FRMPD2: variants seen among roughly 807,000 people sequenced by gnomAD.
FRMPD2 encodes the protein FERM and PDZ domain containing 2.
FRMPD2 carries 96 observed loss-of-function variants against 140.1 expected under a neutral mutation model. That is an observed-to-expected ratio of 0.69 (90% CI 0.58 to 0.81). FRMPD2 has a LOEUF of 0.81. Ranked by LOEUF, FRMPD2 falls within the 40% of genes least tolerant of loss-of-function variation. The pLI is 0.00. For missense variants in FRMPD2, 1,240 were observed against 1,447.4 expected (o/e 0.86, Z 2.32); for synonymous variants, 449 against 547.6 (o/e 0.82, Z 2.52).
chr10:48,257,508 C>A (rs888079170), intron 1 of FRMPD2, among the ~76,000 whole-genome samples: 1 of 152,070 alleles, frequency 6.6e-6, no homozygotes, highest in African/African-American at 2.4e-5. Flanking sequence ...TCTAACTCCT[C>A]ACCTCAAGTG....
intron 1 of FRMPD2, among the ~76,000 whole-genome samples, chr10:48,267,141 C>T (rs1277076754): frequency 1.3e-5 from 2 of 152,176 alleles, no homozygotes; most frequent in Non-Finnish European, 2.9e-5. Flanking sequence ...AGTACCCAAA[C>T]ATCTTGGATT....
At chr10:48,227,419 T>A (rs149437123) in intron 10 of FRMPD2, among the ~76,000 whole-genome samples, 11 of 152,040 alleles carry the variant, frequency 7.2e-5, no homozygotes, top group South Asian at 6.2e-4. Context: ...TGGCTAGGAG[T>A]CTGAAACATG....
intron 12 of FRMPD2, among the ~76,000 whole-genome samples, chr10:48,217,293 C>G (rs1302765391): frequency 1.3e-5 from 2 of 152,194 alleles, no homozygotes; most frequent in Non-Finnish European, 2.9e-5. Context: ...CAAAAACACC[C>G]TTACCCTCAG....
chr10:48,273,796 T>C (rs1262886522), intron 1 of FRMPD2, among the ~76,000 whole-genome samples: 1 of 152,132 alleles, frequency 6.6e-6, no homozygotes, highest in African/African-American at 2.4e-5. Flanking sequence ...AATGAACTAC[T>C]TAATTGGTTT....
intron 14 of FRMPD2, among the ~76,000 whole-genome samples, chr10:48,203,049 G>T (rs1422136861): frequency 6.6e-6 from 1 of 152,096 alleles, no homozygotes; most frequent in Non-Finnish European, 1.5e-5. Flanking sequence ...ATCCTCCTCA[G>T]CCTCTGAAAG....
intron 23 of FRMPD2, among the ~76,000 whole-genome samples, chr10:48,175,325 C>T (rs1183388777): frequency 3.9e-5 from 6 of 151,922 alleles, no homozygotes; most frequent in Non-Finnish European, 1.5e-5. Context: ...AAAAAAAGGT[C>T]AGGGAGGCAT....
At chr10:48,159,564 T>G (rs1230544259) in intron 28 of FRMPD2, among the ~76,000 whole-genome samples, 1 of 151,964 alleles carries the variant, frequency 6.6e-6, no homozygotes, top group Non-Finnish European at 1.5e-5. Context: ...GCCTGGCCCC[T>G]GCAGTTGAGT....
chr10:48,205,726 A>G (rs1258092991), intron 14 of FRMPD2, among the ~76,000 whole-genome samples: 1 of 152,216 alleles, frequency 6.6e-6, no homozygotes, highest in Non-Finnish European at 1.5e-5. Flanking sequence ...GACCACTTGA[A>G]TAAACTCAAT....
At chr10:48,266,373 G>T (rs184228119) in intron 1 of FRMPD2, among the ~76,000 whole-genome samples, 78 of 152,004 alleles carry the variant, frequency 5.1e-4, no homozygotes, top group African/African-American at 1.8e-3. Context: ...TAAAATAAAA[G>T]TTTAAAAAGT....
chr10:48,216,065 A>G lies in FRMPD2; in HGVS notation c.1456-3956T>C, dbSNP rs1839439766. On this transcript the variant is annotated intron_variant, in intron 12 of 28. Coordinates refer to ENST00000374201, the MANE Select transcript of FRMPD2 (RefSeq NM_001018071.4). ...AGCTCCTCTCTGCCTGACTCTCTTCATGCCAGTTCTTCTCTTGCCTTTGGA... is the reference window on the plus strand; with the variant it reads ...AGCTCCTCTCTGCCTGACTCTCTTCGTGCCAGTTCTTCTCTTGCCTTTGGA... 2.6e-5 allele frequency among the ~76,000 whole-genome samples: 4 copies of G among 152,216 alleles called. No individual in the cohort carries two copies. The South Asian group carries it at 8.3e-4, about 32-fold the overall frequency.
chr10:48,214,969 C>A (rs1421180154), intron 12 of FRMPD2, among the ~76,000 whole-genome samples: 1 of 152,168 alleles, frequency 6.6e-6, no homozygotes, highest in African/African-American at 2.4e-5. Flanking sequence ...TGTAAAAACC[C>A]CCGCATGTGA....
chr10:48,172,860 T>C, intron 25 of FRMPD2, 86 bp downstream of exon 25: 1 of 784,740 alleles, frequency 1.3e-6, no homozygotes, highest in Non-Finnish European at 2.2e-6. Flanking sequence ...AGAGGAAGCC[T>C]TCCTGCCTTT....
At chr10:48,161,080 G>A (rs1229144032) in intron 28 of FRMPD2, among the ~76,000 whole-genome samples, 13 of 150,932 alleles carry the variant, frequency 8.6e-5, no homozygotes, top group East Asian at 5.8e-4. Context: ...AAGGGGGTGC[G>A]GTTGGCCATT....
At chr10:48,197,557 C>A (rs1332882297) in intron 15 of FRMPD2, among the ~76,000 whole-genome samples, 1 of 152,172 alleles carries the variant, frequency 6.6e-6, no homozygotes, top group Non-Finnish European at 1.5e-5. Flanking sequence ...TTTTAAAAGG[C>A]AGATTCAGAT....
chr10:48,244,667 G>C, intron 4 of FRMPD2, 117 bp downstream of exon 4: 2 of 753,898 alleles, frequency 2.7e-6, no homozygotes, highest in Non-Finnish European at 4.7e-6. Flanking sequence ...CTAGGACCTA[G>C]AGGACGGGAG....
chr10:48,178,212 C>T, intron 21 of FRMPD2, 61 bp from the exon 22 acceptor site: 3 of 1,235,068 alleles, frequency 2.4e-6, no homozygotes, highest in Non-Finnish European at 3.5e-6. Context: ...CCTCTTAGCT[C>T]ATACTGCTCT....
At chr10:48,256,662 C>T (rs977999711) in intron 1 of FRMPD2, among the ~76,000 whole-genome samples, 1 of 152,102 alleles carries the variant, frequency 6.6e-6, no homozygotes, top group Non-Finnish European at 1.5e-5. Flanking sequence ...GCTGAAGGTG[C>T]CACTGCCCAG....
chr10:48,209,665 A>T (rs1008540906), intron 13 of FRMPD2, among the ~76,000 whole-genome samples: 3 of 152,240 alleles, frequency 2.0e-5, no homozygotes, highest in Non-Finnish European at 4.4e-5. Context: ...GAGATGGAAA[A>T]TGTCCAGAAA....
chr10:48,238,086 C>T lies in FRMPD2; in HGVS notation c.826G>A (p.Gly276Ser), dbSNP rs757658546. 1 of 1,613,400 alleles carries T rather than the reference C, an allele frequency of 6.2e-7. No homozygotes were observed. Residue 276 changes from glycine to serine, a missense_variant, in exon 8 of 29, where the codon GGC becomes AGC. By Grantham distance (56) the Gly-to-Ser change is moderately conservative. Coordinates refer to ENST00000374201, the MANE Select transcript of FRMPD2 (RefSeq NM_001018071.4). ...ACAGATCCAGAGCTGAGCCTCCGGC[C>T]CGCCTGCTGGTCCTGGGGATCTGCT... ...PGADPQDQQA[G>S]RRLSSGSVHS...
Sources: allele counts gnomAD v4.1 joint callset (sites outside exome capture counted in the v4.1 genomes callset), GRCh38; gene constraint gnomAD v4.1.1; transcripts MANE v1.5; gene names NCBI Gene and HGNC (gene_info 2026-07-23, HGNC 2026-07-21).